Variants in ADAMTSL1 observed in about 807,000 individuals in gnomAD.
ADAMTSL1 encodes the protein ADAMTS-like protein 1.
A neutral mutation model predicts 201.8 loss-of-function variants in ADAMTSL1; 126 were observed. The ratio of observed to expected loss-of-function variants is 0.62; its 90% CI spans 0.54 to 0.72. The LOEUF is 0.72. Among genes scored for constraint, ADAMTSL1 ranks in the 30% least tolerant of loss-of-function variants. The pLI is 0.00. For synonymous variants in ADAMTSL1, 1,121 were observed against 903.4 expected, an observed-to-expected ratio of 1.24 and a Z score of -4.32; for missense variants, 2,679 against 2,277.8, an observed-to-expected ratio of 1.18 and a Z score of -3.59.
intron 2 of ADAMTSL1, among the ~76,000 whole-genome samples, chr9:18,421,432 A>G (rs1025824448): frequency 6.6e-6 from 1 of 152,212 alleles, no homozygotes; most frequent in Non-Finnish European, 1.5e-5. Flanking sequence ...CCAACATCAC[A>G]GAGCTCCTAA....
At chr9:18,824,690 CTTTTTTTTTT>C (rs34551511) in intron 21 of ADAMTSL1, among the ~76,000 whole-genome samples, 1 of 75,706 alleles carries the variant, frequency 1.3e-5, no homozygotes, top group Non-Finnish European at 2.2e-5. Context: ...GGACTTGACC[CTTTTTTTTTT>C]TTTTTTTTTT....
At chr9:18,760,129 A>G (rs997477836) in intron 16 of ADAMTSL1, among the ~76,000 whole-genome samples, 4 of 152,158 alleles carry the variant, frequency 2.6e-5, no homozygotes, top group Admixed American at 1.3e-4. Flanking sequence ...ATCATTGATC[A>G]TTATCAAGTA....
At chr9:18,314,473 T>G (rs1190235086) in intron 2 of ADAMTSL1, among the ~76,000 whole-genome samples, 2 of 151,994 alleles carry the variant, frequency 1.3e-5, no homozygotes, top group Non-Finnish European at 2.9e-5. Context: ...ACTTTCGCGG[T>G]GAGTGTTACA....
chr9:18,523,202 C>T (rs1018158702), intron 2 of ADAMTSL1, among the ~76,000 whole-genome samples: 2 of 152,180 alleles, frequency 1.3e-5, no homozygotes, highest in East Asian at 1.9e-4. Context: ...TGATGATGAG[C>T]ATTTTTTCAT....
intron 14 of ADAMTSL1, among the ~76,000 whole-genome samples, chr9:18,714,437 A>G (rs916749843): frequency 4.6e-5 from 7 of 152,220 alleles, no homozygotes; most frequent in Admixed American, 1.3e-4. Flanking sequence ...CCACAGAAAT[A>G]CAAAGTACCA....
chr9:18,690,608 C>T (rs902890567), intron 13 of ADAMTSL1, among the ~76,000 whole-genome samples: 12 of 152,088 alleles, frequency 7.9e-5, no homozygotes, highest in African/African-American at 2.9e-4. Context: ...GCAGATCTTT[C>T]AATCAATAAA....
intron 2 of ADAMTSL1, among the ~76,000 whole-genome samples, chr9:18,429,510 C>G (rs1819387510): frequency 6.6e-6 from 1 of 152,122 alleles, no homozygotes. Flanking sequence ...AACTTTGACT[C>G]TATTGCTTCT....
intron 2 of ADAMTSL1, among the ~76,000 whole-genome samples, chr9:18,390,807 CA>C (rs200541896): frequency 4.6e-5 from 7 of 150,646 alleles, no homozygotes; most frequent in East Asian, 1.9e-4. Flanking sequence ...CAAAACAAAA[CA>C]AAAAAAAACA....
chr9:18,112,028 G>A (rs937884641), intron 1 of ADAMTSL1, among the ~76,000 whole-genome samples: 1 of 152,144 alleles, frequency 6.6e-6, no homozygotes, highest in South Asian at 2.1e-4. Context: ...GTGTTCCAGA[G>A]CACCAGGAAC....
chr9:18,340,488 A>G (rs1283022918), intron 2 of ADAMTSL1, among the ~76,000 whole-genome samples: 3 of 152,168 alleles, frequency 2.0e-5, no homozygotes, highest in Middle Eastern at 6.8e-3. Context: ...ACATTTTTAA[A>G]TTCTCTCTTC....
At chr9:18,794,566 C>T (rs972674050) in intron 19 of ADAMTSL1, among the ~76,000 whole-genome samples, 5 of 151,900 alleles carry the variant, frequency 3.3e-5, no homozygotes, top group African/African-American at 1.2e-4. Flanking sequence ...ATATGCAATT[C>T]TTGGCTTTTT....
At chr9:18,723,807 G>A (rs1295003324) in intron 15 of ADAMTSL1, 2 of 152,278 alleles carry the variant, frequency 1.3e-5, no homozygotes, top group Non-Finnish European at 2.9e-5. Context: ...AATGATAATT[G>A]TATAGAGGTG....
intron 1 of ADAMTSL1, among the ~76,000 whole-genome samples, chr9:18,075,511 C>G (rs1322595896): frequency 6.6e-6 from 1 of 150,610 alleles, no homozygotes; most frequent in Non-Finnish European, 1.5e-5. Context: ...AGTTTGAAGT[C>G]AGTTTCAATA....
At chr9:17,959,008 A>G (rs1023074240) in intron 1 of ADAMTSL1, among the ~76,000 whole-genome samples, 1 of 152,104 alleles carries the variant, frequency 6.6e-6, no homozygotes, top group Non-Finnish European at 1.5e-5. Context: ...CTTTTCTAAT[A>G]TTGTCCTAAA....
chr9:18,231,043 G>C (rs1245557522), intron 2 of ADAMTSL1, among the ~76,000 whole-genome samples: 1 of 152,042 alleles, frequency 6.6e-6, no homozygotes, highest in African/African-American at 2.4e-5. Context: ...CATCAGCCTG[G>C]GCGTAGCTTT....
intron 2 of ADAMTSL1, among the ~76,000 whole-genome samples, chr9:18,450,852 T>C (rs1303974783): frequency 1.3e-5 from 2 of 152,246 alleles, no homozygotes; most frequent in African/African-American, 2.4e-5. Flanking sequence ...CAGAATATCA[T>C]TACATAGAGT....
chr9:18,622,255 G>C lies in ADAMTSL1; in HGVS notation c.487G>C (p.Asp163His). 6.2e-7 allele frequency: 1 copy of C among 1,613,774 alleles called. No individual in the cohort carries two copies. Among genetic ancestry groups the C allele is most frequent in the South Asian group, 1.1e-5 (1 of 91,036 alleles). Residue 163 changes from aspartate (D) to histidine (H), a missense_variant, in exon 5 of 29, where the codon GAT becomes CAT. Coordinates refer to ENST00000380548, the MANE Select transcript of ADAMTSL1 (RefSeq NM_001040272.6). ...ISGLCQIVGC[D>H]HQLGSTVKED... ...TCTTTCTTGTTAGATTGTTGGCTGC[G>C]ATCACCAGCTGGGAAGCACCGTCAA...
Position 17,977,407 on chromosome 9 carries a change from A to G in ADAMTSL1, c.87+70485A>G, listed in dbSNP as rs150659554. ...AGGATTGCTATTAGTTATTCTTTAA[A>G]TGTTTAGTAAAATTCCTGGACTTTT... is the stretch of plus-strand genomic sequence containing the variant. On this transcript the variant is annotated intron_variant, in intron 1 of 29. Transcript: ENST00000680146. 2.2e-4 allele frequency among the ~76,000 whole-genome samples: 33 copies of G among 152,234 alleles called. No homozygotes were observed. The East Asian group carries it at 6.4e-3, about 29-fold the overall frequency.
intron 1 of ADAMTSL1, among the ~76,000 whole-genome samples, chr9:17,914,359 G>A (rs1456344847): frequency 6.6e-6 from 1 of 152,110 alleles, no homozygotes; most frequent in African/African-American, 2.4e-5. Context: ...ATGCAAGGCT[G>A]GTTCAATATA....
Sources: gnomAD v4.1 joint callset for allele counts (sites outside exome capture counted in the v4.1 genomes callset) on GRCh38, gnomAD v4.1.1 for gene constraint, MANE v1.5 for transcripts, NCBI Gene and HGNC (gene_info 2026-07-23, HGNC 2026-07-21) for gene names.